The following SLC22A6 variants were observed in gnomAD, a reference collection of about 807,000 sequenced individuals.
The protein encoded by SLC22A6 is solute carrier family 22 member 6.
In SLC22A6, 45 loss-of-function variants were observed where a neutral mutation model predicts 56.7. The observed-to-expected ratio is 0.79, with a 90% CI of 0.63 to 1.02. The LOEUF is 1.02. SLC22A6 is among the 50% of genes least tolerant of loss of function. SLC22A6 has a pLI of 0.00. For missense variants in SLC22A6, 606 were observed against 713.8 expected (o/e 0.85, Z 1.72); for synonymous variants, 291 against 295.9 (o/e 0.98, Z 0.17).
intron 9 of SLC22A6, 140 bp from the exon 10 acceptor site, chr11:62,977,021 T>C: frequency 6.6e-7 from 1 of 1,518,990 alleles, no homozygotes; most frequent in Non-Finnish European, 9.0e-7. Context: ...TCCCTGGAGC[T>C]GGGATCCCCA....
chr11:62,979,585 C>G lies in SLC22A6; in HGVS notation c.1264G>C (p.Val422Leu), dbSNP rs756737631. Residue 422 changes from valine to leucine, a missense_variant, in exon 8 of 10, where the codon GTC (valine) becomes CTC (leucine). By Grantham distance (32) the Val-to-Leu change is conservative (BLOSUM62 1). Transcript: ENST00000360421. The stretch of plus-strand genomic sequence containing the variant: ...CCCAGCACAGCAAGAGAGGTTCGGA[C>G]AATGGACTGGTCTAGAGAGAAAGAA... The part of the protein sequence containing the change: ...NGVIPQDQSI[V>L]RTSLAVLGKG... 1 of 1,613,828 alleles carries G rather than the reference C, an allele frequency of 6.2e-7. No homozygotes were observed. Among genetic ancestry groups the G allele is most frequent in the African/African-American group, 1.3e-5 (1 of 74,908 alleles).
Position 62,981,392 on chromosome 11 carries a change from G to A in SLC22A6, c.798-9C>T, listed in dbSNP as rs578257126. ...CCGACTCAATGAAGAACCTGGGAGCGGGGGTGGGGGTGGGTGTCAGCATGG... is the reference window on the plus strand; with the variant it reads ...CCGACTCAATGAAGAACCTGGGAGCAGGGGTGGGGGTGGGTGTCAGCATGG... On this transcript the variant is annotated splice_polypyrimidine_tract_variant and intron_variant, in intron 4 of 9. Transcript: ENST00000360421. The A allele has an allele frequency of 4.7e-5, 70 of 1,495,138 alleles. 1 individual carries two copies. In the South Asian group the frequency reaches 6.5e-4, roughly 14 times the overall value. 92.6% of individuals were successfully genotyped at this position (1,495,138 alleles called of 1,614,324 possible).
intron 9 of SLC22A6, 141 bp downstream of exon 9, chr11:62,977,043 A>T: frequency 5.2e-6 from 8 of 1,553,252 alleles, no homozygotes; most frequent in Non-Finnish European, 5.3e-6. Context: ...GAAGGATTCT[A>T]GGAGAAGCTC....
chr11:62,983,668 A>T lies in SLC22A6; in HGVS notation c.497T>A (p.Ile166Asn). The change falls in exon 3 of 10, where the codon ATC (isoleucine) becomes AAC (asparagine). Residue 166 changes from isoleucine to asparagine, a missense_variant. Physicochemically the swap from Ile to Asn is moderately radical, Grantham distance 149 (BLOSUM62 -3). Coordinates refer to ENST00000360421, the MANE Select transcript of SLC22A6 (RefSeq NM_153276.3). The surrounding 1 kb of genome is among the most constrained non-coding windows in gnomAD (Gnocchi z 4.5). Reference sequence around the variant, plus strand: ...CACAGCTGTCTGCAGGTAGTTCAAGATGAGTACCTTCCGGCGGCCTAGCCT... The same window carrying T: ...CACAGCTGTCTGCAGGTAGTTCAAGTTGAGTACCTTCCGGCGGCCTAGCCT... The part of the protein sequence containing the change: ...ADRLGRRKVL[I>N]LNYLQTAVSG... 1 of 1,611,916 alleles carries T rather than the reference A, an allele frequency of 6.2e-7. No individual in the cohort carries two copies. Among genetic ancestry groups the T allele is most frequent in the Non-Finnish European group, 8.5e-7 (1 of 1,179,264 alleles).
rs548812602 is a variant in SLC22A6 at position 62,981,765 on chromosome 11, G to A, written c.797+77C>T. Reference sequence around the variant, plus strand: ...ACATTTGTGGGATGGGATGTGTGCTGAGCTCTGGGAGATGTCCTGTCCCTT... The same window carrying A: ...ACATTTGTGGGATGGGATGTGTGCTAAGCTCTGGGAGATGTCCTGTCCCTT... On this transcript the variant is annotated intron_variant, in intron 4 of 9. Transcript: ENST00000360421. 1.3e-4 allele frequency: 177 copies of A among 1,401,446 alleles called. No individual in the cohort carries two copies. The Middle Eastern group carries it at 2.9e-3, about 23-fold the overall frequency. The allele number at this position is 1,401,446 out of a possible 1,614,324, so 86.8% of individuals were successfully genotyped here. A position where few individuals can be genotyped will look rare whatever the true frequency, so the allele number is the denominator to read the frequency against.
chr11:62,983,695 T>G lies in SLC22A6; in HGVS notation c.474-4A>C. On this transcript the variant is annotated splice_region_variant and splice_polypyrimidine_tract_variant and intron_variant, in intron 2 of 9. Transcript: ENST00000360421. The surrounding 1 kb of genome is among the most constrained non-coding windows in gnomAD (Gnocchi z 4.5). ...GAGTACCTTCCGGCGGCCTAGCCTG[T>G]GGGAGGAGGGGAGACTTGTAGCAGG... The G allele has an allele frequency of 6.2e-7, 1 of 1,605,522 alleles. No homozygotes were observed. The highest frequency in any genetic ancestry group is 1.3e-5 in the African/African-American group (1 of 74,474).
In SLC22A6 at chr11:62,983,844, G is replaced by A. The variant is rs1039140392; in HGVS notation, c.473+100C>T. 1 of 1,187,584 alleles carries A rather than the reference G, an allele frequency of 8.4e-7. No individual in the cohort carries two copies. The highest frequency in any genetic ancestry group is 1.2e-6 in the Non-Finnish European group (1 of 841,728). 73.6% of individuals were successfully genotyped at this position (1,187,584 alleles called of 1,614,324 possible). On this transcript the variant is annotated intron_variant, in intron 2 of 9. Transcript: ENST00000360421. This position sits in a 1 kb window ranked among gnomAD's most constrained non-coding sequence, Gnocchi z 4.5. ...GCTGGTGCTGTAGATCCTCAAACCA[G>A]CGCCGGCTGGCAATGCCAAGCTCCC...
chr11:62,979,449 A>G lies in SLC22A6; in HGVS notation c.1361+39T>C, dbSNP rs554865200. The G allele has an allele frequency of 3.8e-6, 5 of 1,308,186 alleles. No individual in the cohort carries two copies. In the South Asian group the frequency reaches 5.9e-5, roughly 15 times the overall value. 81.0% of individuals were successfully genotyped at this position (1,308,186 alleles called of 1,614,324 possible). On this transcript the variant is annotated intron_variant, in intron 8 of 9. Coordinates refer to ENST00000360421, the MANE Select transcript of SLC22A6 (RefSeq NM_153276.3). ...TGTGCACAGAAGAATGTCTTTCCCC[A>G]GGAAAAGGCTGTCATTCTCCCATTA...
rs772922869 is a variant in SLC22A6 at position 62,984,402 on chromosome 11, TG to T, written c.288del (p.Asn97MetfsTer25). ...WGLPFLNGTEANGTGATEPCT... is the reference protein window; with the variant it reads ...WGLPFLNGTEXNGTGATEPCT... ...CAGGGCTCTGTGGCCCCTGTGCCAT[TG>T]GCTTCTGTGCCATTGAGAAAGGGCA... On this transcript the variant is annotated frameshift_variant, in exon 1 of 10. Coordinates refer to ENST00000360421, the MANE Select transcript of SLC22A6 (RefSeq NM_153276.3). LOFTEE classifies it high-confidence loss of function. 2 of 1,613,966 alleles carry T rather than the reference TG, an allele frequency of 1.2e-6. No homozygotes were observed. The highest frequency in any genetic ancestry group is 1.7e-6 in the Non-Finnish European group (2 of 1,179,974).
In SLC22A6 at chr11:62,983,672, G is replaced by C. The variant is rs374722620; in HGVS notation, c.493C>G (p.Leu165Val). 6.2e-7 allele frequency: 1 copy of C among 1,611,570 alleles called. No individual in the cohort carries two copies. Among genetic ancestry groups the C allele is most frequent in the Non-Finnish European group, 8.5e-7 (1 of 1,179,092 alleles). Residue 165 changes from leucine to valine, a missense_variant, in exon 3 of 10, where the codon CTC (leucine) becomes GTC (valine). By Grantham distance (32) the Leu-to-Val change is conservative. Transcript: ENST00000360421. This position sits in a 1 kb window ranked among gnomAD's most constrained non-coding sequence, Gnocchi z 4.5. Reference sequence around the variant, plus strand: ...GCTGTCTGCAGGTAGTTCAAGATGAGTACCTTCCGGCGGCCTAGCCTGTGG... The same window carrying C: ...GCTGTCTGCAGGTAGTTCAAGATGACTACCTTCCGGCGGCCTAGCCTGTGG... ...LADRLGRRKVLILNYLQTAVS... is the reference protein window; with the variant it reads ...LADRLGRRKVVILNYLQTAVS...
Position 62,979,740 on chromosome 11 carries a change from G to T in SLC22A6, c.1246C>A (p.Pro416Thr), listed in dbSNP as rs753487528. Residue 416 changes from proline to threonine, a missense_variant, in exon 7 of 10, where the codon CCC (proline) becomes ACC (threonine). Transcript: ENST00000360421. The stretch of plus-strand genomic sequence containing the variant: ...GGTGCTCGTGGGTGCTCACCCTGGG[G>T]TATCACCCCATTGAGCAGGATGCAG... ...GICILLNGVI[P>T]QDQSIVRTSL... 4 of 1,613,896 alleles carry T rather than the reference G, an allele frequency of 2.5e-6. No homozygotes were observed. The highest frequency in any genetic ancestry group is 2.5e-6 in the Non-Finnish European group (3 of 1,179,918).
intron 8 of SLC22A6, among the ~76,000 whole-genome samples, chr11:62,979,153 T>C (rs1200580406): frequency 6.6e-6 from 1 of 152,234 alleles, no homozygotes; most frequent in Non-Finnish European, 1.5e-5. Context: ...GGAATGTAGA[T>C]GTGGTGGCAG....
At chr11:62,980,068 C>T in intron 6 of SLC22A6, 120 bp from the exon 7 acceptor site, 1 of 678,798 alleles carries the variant, frequency 1.5e-6, no homozygotes. Flanking sequence ...TCTGCCTTGG[C>T]TAATATTTCT....
chr11:62,976,622 A>G lies in SLC22A6; in HGVS notation c.*172T>C, dbSNP rs185945462. 7.1e-5 allele frequency: 40 copies of G among 559,666 alleles called. No homozygotes were observed. The highest frequency in any genetic ancestry group is 7.0e-4 in the Admixed American group (23 of 32,652). The allele number at this position is 559,666 out of a possible 1,614,324, so 34.7% of individuals were successfully genotyped here. On this transcript the variant is annotated 3_prime_UTR_variant, in exon 10 of 10. Coordinates refer to ENST00000360421, the MANE Select transcript of SLC22A6 (RefSeq NM_153276.3). Reference sequence around the variant, plus strand: ...TGGTGCGCAGTCAAACCTTTTAATGATGTGGTTCTGGTGGGGTTTATAAAG... The same window carrying G: ...TGGTGCGCAGTCAAACCTTTTAATGGTGTGGTTCTGGTGGGGTTTATAAAG...
rs1402587548 is a variant in SLC22A6, at chr11:62,981,983, C to A, written c.656G>T (p.Arg219Leu). 1.9e-6 allele frequency: 3 copies of A among 1,613,982 alleles called. No individual in the cohort carries two copies. Among genetic ancestry groups the A allele is most frequent in the Non-Finnish European group, 1.7e-6 (2 of 1,179,936 alleles). Reference sequence around the variant, plus strand: ...GCCAATCAAGGTGCCCACGCAGGCCCGTGTGTGAATGGGCATCCACTCCAC... The same window carrying A: ...GCCAATCAAGGTGCCCACGCAGGCCAGTGTGTGAATGGGCATCCACTCCAC... ...LNVEWMPIHT[R>L]ACVGTLIGYV... The change falls in exon 4 of 10, where the codon CGG (arginine) becomes CTG (leucine). Residue 219 changes from arginine to leucine, a missense_variant. Physicochemically the swap from Arg to Leu is moderately radical, Grantham distance 102. Coordinates refer to ENST00000360421, the MANE Select transcript of SLC22A6 (RefSeq NM_153276.3).
At chr11:62,977,465 G>A (rs2086203930) in intron 8 of SLC22A6, 78 bp from the exon 9 acceptor site, 26 of 1,490,418 alleles carry the variant, frequency 1.7e-5, no homozygotes, top group Non-Finnish European at 2.2e-5. Context: ...TTGGAGGGTG[G>A]CAGCTCAGGC....
Position 62,984,628 on chromosome 11 carries a change from G to T in SLC22A6, c.63C>A (p.Val21=). ...GGAGCAGGGGGAGGACCACCAGGGT[G>T]ACCTGGATCTGCTGGAAGCGGCCGA... ...GGVGRFQQIQ[V]TLVVLPLLLM... Residue 21 remains valine, a synonymous_variant, in exon 1 of 10, where the codon GTC becomes GTA. Coordinates refer to ENST00000360421, the MANE Select transcript of SLC22A6 (RefSeq NM_153276.3). 6.2e-7 allele frequency: 1 copy of T among 1,613,748 alleles called. No homozygotes were observed. The highest frequency in any genetic ancestry group is 8.5e-7 in the Non-Finnish European group (1 of 1,179,906).
intron 6 of SLC22A6, among the ~76,000 whole-genome samples, chr11:62,980,247 T>C (rs2086237837): frequency 6.6e-6 from 1 of 152,182 alleles, no homozygotes; most frequent in African/African-American, 2.4e-5. Flanking sequence ...CAATTGATGC[T>C]GGACTGAGGG....
Position 62,981,805 on chromosome 11 carries a change from C to T in SLC22A6, c.797+37G>A, listed in dbSNP as rs1192062310. The T allele has an allele frequency of 4.5e-6, 7 of 1,568,526 alleles. No homozygotes were observed. The East Asian group carries it at 1.6e-4, about 36-fold the overall frequency. ...TCCTGTCCCTTGCAGCCTCTGGGCT[C>T]CTGTGGCAACCACCTCCAACCCTAG... On this transcript the variant is annotated intron_variant, in intron 4 of 9. Coordinates refer to ENST00000360421, the MANE Select transcript of SLC22A6 (RefSeq NM_153276.3).
Sources: allele counts gnomAD v4.1 joint callset (sites outside exome capture counted in the v4.1 genomes callset), GRCh38; gene constraint gnomAD v4.1.1; non-coding constraint Gnocchi (gnomAD v3.1); transcripts MANE v1.5; gene names NCBI Gene and HGNC (gene_info 2026-07-23, HGNC 2026-07-21).